The following ARHGEF17 variants were observed in gnomAD, a reference collection of about 807,000 sequenced individuals.
ARHGEF17 encodes Rho guanine nucleotide exchange factor 17.
In ARHGEF17, 80 loss-of-function variants were observed where a neutral mutation model predicts 174.0. The observed-to-expected ratio is 0.46, with a 90% CI of 0.38 to 0.55. ARHGEF17 has a LOEUF of 0.55. Ranked by LOEUF, ARHGEF17 falls within the 20% of genes least tolerant of loss-of-function variation. The pLI, the probability that ARHGEF17 is intolerant of heterozygous loss-of-function variation, is 0.00. For missense variants in ARHGEF17, 2,886 were observed against 2,839.7 expected, an observed-to-expected ratio of 1.02 and a Z score of -0.37; for synonymous variants, 1,311 against 1,189.1, an observed-to-expected ratio of 1.10 and a Z score of -2.11.
chr11:73,325,770 C>T (rs889156654), intron 1 of ARHGEF17, among the ~76,000 whole-genome samples: 10 of 152,348 alleles, frequency 6.6e-5, no homozygotes, highest in Middle Eastern at 3.4e-3. Context: ...GAGCAATTTG[C>T]TCCTGTACCA....
intron 9 of ARHGEF17, among the ~76,000 whole-genome samples, chr11:73,359,095 G>A (rs1865693924): frequency 6.6e-6 from 1 of 152,124 alleles, no homozygotes; most frequent in African/African-American, 2.4e-5. Flanking sequence ...ACCCGTCCAG[G>A]GCTGCCTTAC....
In ARHGEF17 at chr11:73,310,477, C is replaced by G; in HGVS notation, c.1839C>G (p.Ser613Arg). ...QRMGAQQDDG[S>R]DAPPGSPDWA... is the part of the protein sequence containing the mutation. ...TGGGTGCCCAACAAGATGATGGAAG[C>G]GATGCCCCCCCTGGAAGCCCTGACT... The change falls in exon 1 of 21, where the codon AGC becomes AGG. Residue 613 changes from serine (S) to arginine (R), a missense_variant. Ser to Arg is a moderately radical substitution (Grantham distance 110). Around this residue, in one of 4 missense-constraint regions of ARHGEF17, gnomAD observed 1,728 missense variants for 1,461.2 expected, o/e 1.18. Transcript: ENST00000263674. The G allele has an allele frequency of 1.2e-6, 2 of 1,613,994 alleles. No individual in the cohort carries two copies. Among genetic ancestry groups the G allele is most frequent in the South Asian group, 1.1e-5 (1 of 91,086 alleles).
At chr11:73,312,495 A>C (rs941282684) in intron 1 of ARHGEF17, among the ~76,000 whole-genome samples, 1 of 152,084 alleles carries the variant, frequency 6.6e-6, no homozygotes, top group African/African-American at 2.4e-5. Context: ...ACTAGTGCCT[A>C]TGTTTCCATC....
chr11:73,344,643 G>C (rs548330845), intron 1 of ARHGEF17, among the ~76,000 whole-genome samples: 3 of 152,340 alleles, frequency 2.0e-5, no homozygotes, highest in Non-Finnish European at 4.4e-5. Flanking sequence ...GGACACTGGT[G>C]ACCTGCTGCG....
rs79779873 is a variant in ARHGEF17 at position 73,368,008 on chromosome 11, C to T, written c.*228C>T. 8.9e-3 allele frequency: 4,498 copies of T among 502,692 alleles called. 44 individuals carry two copies. The highest frequency in any genetic ancestry group is 0.037 in the Middle Eastern group (70 of 1,906). 31.1% of individuals were successfully genotyped at this position (502,692 alleles called of 1,614,324 possible). On this transcript the variant is annotated 3_prime_UTR_variant, in exon 21 of 21. Transcript: ENST00000263674. Reference sequence around the variant, plus strand: ...CTGCCCCGGTGCTTCCAGTCATGATCGGGTGGGGGACATGTGGGCTGACCA... The same window carrying T: ...CTGCCCCGGTGCTTCCAGTCATGATTGGGTGGGGGACATGTGGGCTGACCA...
At chr11:73,319,570 C>T (rs1166283125) in intron 1 of ARHGEF17, among the ~76,000 whole-genome samples, 1 of 152,218 alleles carries the variant, frequency 6.6e-6, no homozygotes, top group Non-Finnish European at 1.5e-5. Flanking sequence ...AGGCAAAGGA[C>T]CAGGCTGTTG....
intron 2 of ARHGEF17, chr11:73,347,248 C>T (rs1865478896): frequency 7.7e-6 from 4 of 517,912 alleles, no homozygotes; most frequent in Non-Finnish European, 1.1e-5. Context: ...AACTTAGATC[C>T]GTGAACTCCC....
intron 1 of ARHGEF17, among the ~76,000 whole-genome samples, chr11:73,337,102 T>G (rs1216351639): frequency 2.0e-5 from 3 of 152,196 alleles, no homozygotes; most frequent in Non-Finnish European, 4.4e-5. Flanking sequence ...ACCTCGTCTT[T>G]CTGTGGGAAG....
chr11:73,325,694 G>C lies in ARHGEF17; in HGVS notation c.3192+13864G>C, dbSNP rs570136022. ...CTTTGATGACAGCAAAGTTGGAGTA[G>C]ATTGGGGCAGCCAGATGTCAACAAG... On this transcript the variant is annotated intron_variant, in intron 1 of 20. Coordinates refer to ENST00000263674, the MANE Select transcript of ARHGEF17 (RefSeq NM_014786.4). 3.9e-5 allele frequency among the ~76,000 whole-genome samples: 6 copies of C among 152,386 alleles called. No homozygotes were observed. In the East Asian group the frequency reaches 1.2e-3, roughly 29 times the overall value.
intron 11 of ARHGEF17, 43 bp from the exon 12 acceptor site, chr11:73,361,045 C>A: frequency 6.5e-7 from 1 of 1,530,462 alleles, no homozygotes; most frequent in Non-Finnish European, 9.0e-7. Flanking sequence ...GAGATGGATG[C>A]TATGCTAAGC....
intron 2 of ARHGEF17, among the ~76,000 whole-genome samples, chr11:73,350,572 A>G (rs1303224589): frequency 1.3e-5 from 2 of 152,180 alleles, no homozygotes; most frequent in African/African-American, 2.4e-5. Flanking sequence ...TCACTAATTG[A>G]TAAGTGTTGT....
rs1412295435 is a variant in ARHGEF17 at position 73,363,443 on chromosome 11, C to G, written c.5234C>G (p.Thr1745Ser). Reference protein sequence around the residue: ...EAYQSSVWLGTEDGCVHVYQS... With the variant: ...EAYQSSVWLGSEDGCVHVYQS... ...TACCAGAGCTCCGTGTGGCTGGGCA[C>G]TGAGGATGGCTGGTAGGGACAGGGG... The change falls in exon 15 of 21, where the codon ACT (threonine) becomes AGT (serine). Residue 1745 changes from threonine to serine, a missense_variant. Physicochemically the swap from Thr to Ser is moderately conservative, Grantham distance 58. Around this residue, in one of 4 missense-constraint regions of ARHGEF17, gnomAD observed 329 missense variants for 435.2 expected, o/e 0.76. Transcript: ENST00000263674. 6.2e-7 allele frequency: 1 copy of G among 1,612,414 alleles called. No individual in the cohort carries two copies. The highest frequency in any genetic ancestry group is 1.1e-5 in the South Asian group (1 of 90,990).
Position 73,355,963 on chromosome 11 carries a change from G to T in ARHGEF17, c.3663+10G>T. 6.2e-7 allele frequency: 1 copy of T among 1,614,062 alleles called. No homozygotes were observed. Among genetic ancestry groups the T allele is most frequent in the South Asian group, 1.1e-5 (1 of 91,064 alleles). ...CGAGCTTCTGGTGAAGGTGGGCATG[G>T]ACCTGGGTGGGCAAGTGGGCAAGGC... On this transcript the variant is annotated intron_variant, in intron 5 of 20. Coordinates refer to ENST00000263674, the MANE Select transcript of ARHGEF17 (RefSeq NM_014786.4).
intron 16 of ARHGEF17, 87 bp downstream of exon 16, chr11:73,363,920 A>G: frequency 7.2e-7 from 1 of 1,397,042 alleles, no homozygotes. Context: ...CCCCTGCTCT[A>G]CTGTCCCTCC....
In ARHGEF17 at chr11:73,311,044, C is replaced by T; in HGVS notation, c.2406C>T (p.Ser802=). Residue 802 remains serine, a synonymous_variant, in exon 1 of 21, where the codon AGC becomes AGT. Transcript: ENST00000263674. ...AGGGATATCAGGAGGTTATTCAGAG[C>T]ATAGTTCAGGGGCCTGGCACCCTGG... ...ESKGYQEVIQ[S]IVQGPGTLGR... 3.1e-6 allele frequency: 5 copies of T among 1,614,146 alleles called. No individual in the cohort carries two copies. The highest frequency in any genetic ancestry group is 1.3e-5 in the African/African-American group (1 of 75,038).
At chr11:73,361,920 CCA>C (rs10553377) in intron 12 of ARHGEF17, 118 bp from the exon 13 acceptor site, 925 of 1,117,444 alleles carry the variant, frequency 8.3e-4, no homozygotes, top group Admixed American at 9.6e-4. Context: ...TATAGGGCAT[CCA>C]CACACACACA....
At position 73,310,581 on chromosome 11, in the gene ARHGEF17, T is replaced by G. The variant is rs756814001; in HGVS notation, c.1943T>G (p.Ile648Ser). ...GAGTCCAGTCTGACAGATGAAGGCA[T>G]TGGGGCAGACCCTGAGCCTCCTGTT... ...GPESSLTDEG[I>S]GADPEPPVAA... The change falls in exon 1 of 21, where the codon ATT (isoleucine) becomes AGT (serine). Residue 648 changes from isoleucine to serine, a missense_variant. Around this residue, in one of 4 missense-constraint regions of ARHGEF17, gnomAD observed 1,728 missense variants for 1,461.2 expected, o/e 1.18. Transcript: ENST00000263674. The G allele has an allele frequency of 3.1e-6, 5 of 1,613,938 alleles. No individual in the cohort carries two copies. In the African/African-American group the frequency reaches 5.3e-5, roughly 17 times the overall value.
In ARHGEF17 at chr11:73,310,291, G is replaced by A; in HGVS notation, c.1653G>A (p.Glu551=). 6.2e-7 allele frequency: 1 copy of A among 1,613,830 alleles called. No homozygotes were observed. Among genetic ancestry groups the A allele is most frequent in the East Asian group, 2.2e-5 (1 of 44,900 alleles). The change falls in exon 1 of 21, where the codon GAG becomes GAA. Residue 551 remains glutamate (E), a synonymous_variant. Coordinates refer to ENST00000263674, the MANE Select transcript of ARHGEF17 (RefSeq NM_014786.4). ...GAGCAAAGTCATTCACCTGCTCTGA[G>A]AAGCCCATGGCCCGCCGCCTGCCCC... The part of the protein sequence containing the change: ...LRRAKSFTCS[E]KPMARRLPRT...
At position 73,310,699 on chromosome 11, in the gene ARHGEF17, C is replaced by T. The variant is rs778618235; in HGVS notation, c.2061C>T (p.Asp687=). ...ACCACCATGGCCCTGGGACTGAGGACAGTCTGGGCGGGTGGGCCCTGGTGT... is the reference window on the plus strand; with the variant it reads ...ACCACCATGGCCCTGGGACTGAGGATAGTCTGGGCGGGTGGGCCCTGGTGT... ...QTNHHGPGTE[D]SLGGWALVSP... The change falls in exon 1 of 21, where the codon GAC becomes GAT. Residue 687 remains aspartate, a synonymous_variant. Transcript: ENST00000263674. 6.2e-7 allele frequency: 1 copy of T among 1,613,618 alleles called. No homozygotes were observed. The highest frequency in any genetic ancestry group is 8.5e-7 in the Non-Finnish European group (1 of 1,179,970).
Sources: allele counts gnomAD v4.1 joint callset (sites outside exome capture counted in the v4.1 genomes callset), GRCh38; gene constraint gnomAD v4.1.1; regional missense constraint gnomAD v4.1.1; transcripts MANE v1.5; gene names NCBI Gene and HGNC (gene_info 2026-07-23, HGNC 2026-07-21).